The following HS6ST3 variants were observed in gnomAD, a reference collection of about 807,000 sequenced individuals.
HS6ST3 encodes the protein heparan-sulfate 6-O-sulfotransferase 3.
In HS6ST3, 12 loss-of-function variants were observed where a neutral mutation model predicts 36.7. The ratio of observed to expected loss-of-function variants is 0.33; its 90% CI spans 0.21 to 0.53. The LOEUF is 0.53. HS6ST3 is among the 20% of genes least tolerant of loss of function. HS6ST3 has a pLI of 0.95. For missense variants in HS6ST3, 584 were observed against 640.9 expected (o/e 0.91, Z 0.96); for synonymous variants, 240 against 257.5 (o/e 0.93, Z 0.65).
intron 1 of HS6ST3, among the ~76,000 whole-genome samples, chr13:96,562,986 G>A (rs1007760758): frequency 2.0e-5 from 3 of 150,572 alleles, no homozygotes; most frequent in East Asian, 2.0e-4. Flanking sequence ...GAAAGAGAAG[G>A]CTGCTCCCTG....
At chr13:96,234,424 T>C (rs1188623472) in intron 1 of HS6ST3, among the ~76,000 whole-genome samples, 2 of 151,834 alleles carry the variant, frequency 1.3e-5, no homozygotes, top group Non-Finnish European at 2.9e-5. Flanking sequence ...AAAAACAAAA[T>C]GTATTAGTCT....
At chr13:96,139,567 A>AAAAAAAAAAAAAAAAAAAAAT (rs1491242538) in intron 1 of HS6ST3, among the ~76,000 whole-genome samples, 2 of 138,696 alleles carry the variant, frequency 1.4e-5, no homozygotes, top group African/African-American at 2.8e-5. Flanking sequence ...AAAAAAAAAA[A>AAAAAAAAAAAAAAAAAAAAAT]TCCATGTATA....
chr13:96,704,532 C>T (rs1875369190), intron 1 of HS6ST3, among the ~76,000 whole-genome samples: 1 of 152,198 alleles, frequency 6.6e-6, no homozygotes. Context: ...TACATAGAAG[C>T]AGTATGTCTA....
intron 1 of HS6ST3, among the ~76,000 whole-genome samples, chr13:96,364,238 TAAACATAG>T (rs1480895807): frequency 3.3e-5 from 5 of 152,122 alleles, no homozygotes; most frequent in African/African-American, 4.8e-5. Context: ...CTCAAAAAGT[TAAACATAG>T]AACTAGCATG....
At chr13:96,216,071 C>T (rs2054424284) in intron 1 of HS6ST3, among the ~76,000 whole-genome samples, 1 of 152,176 alleles carries the variant, frequency 6.6e-6, no homozygotes, top group East Asian at 1.9e-4. Flanking sequence ...AGTTCTTTAA[C>T]ATCTGTGTTT....
intron 1 of HS6ST3, among the ~76,000 whole-genome samples, chr13:96,819,116 C>G (rs1245509780): frequency 2.6e-4 from 39 of 152,176 alleles, no homozygotes; most frequent in Admixed American, 2.6e-3. Flanking sequence ...TTTGCCTTTC[C>G]TATGTGAACT....
chr13:96,304,773 C>T (rs1270833604), intron 1 of HS6ST3, among the ~76,000 whole-genome samples: 13 of 137,944 alleles, frequency 9.4e-5, no homozygotes, highest in Non-Finnish European at 1.4e-4. Flanking sequence ...TTCAGTGGCA[C>T]GATCTCAGCT....
chr13:96,522,473 A>T (rs2056097533), intron 1 of HS6ST3, among the ~76,000 whole-genome samples: 2 of 152,004 alleles, frequency 1.3e-5, no homozygotes, highest in Admixed American at 1.3e-4. Flanking sequence ...CATTATTAGT[A>T]TGTGGGAATC....
intron 1 of HS6ST3, among the ~76,000 whole-genome samples, chr13:96,144,269 G>A (rs972339330): frequency 3.0e-4 from 45 of 152,236 alleles, no homozygotes; most frequent in African/African-American, 9.6e-4. Context: ...TTTAATATCA[G>A]AGGCAATTCC....
At chr13:96,464,138 CAAAAAAAA>C (rs67305199) in intron 1 of HS6ST3, among the ~76,000 whole-genome samples, 1 of 38,780 alleles carries the variant, frequency 2.6e-5, no homozygotes, top group African/African-American at 7.9e-5. Flanking sequence ...TGTCAGGCCT[CAAAAAAAA>C]AAAAAAAAAA....
intron 1 of HS6ST3, among the ~76,000 whole-genome samples, chr13:96,490,464 TA>T (rs1204036627): frequency 6.6e-6 from 1 of 152,156 alleles, no homozygotes; most frequent in Non-Finnish European, 1.5e-5. Context: ...TTAGGGACAT[TA>T]AAATGATTAA....
chr13:96,170,703 A>T (rs546105374), intron 1 of HS6ST3, among the ~76,000 whole-genome samples: 1 of 152,354 alleles, frequency 6.6e-6, no homozygotes, highest in African/African-American at 2.4e-5. Flanking sequence ...AGGAAAATGG[A>T]GATGAGAAAA....
intron 1 of HS6ST3, among the ~76,000 whole-genome samples, chr13:96,148,006 CTG>C (rs1407355565): frequency 6.6e-6 from 1 of 152,202 alleles, no homozygotes; most frequent in Non-Finnish European, 1.5e-5. Flanking sequence ...ACCACTGTGA[CTG>C]TGTCACTCAC....
intron 1 of HS6ST3, among the ~76,000 whole-genome samples, chr13:96,554,516 CTT>C (rs927322742): frequency 2.2e-4 from 33 of 152,224 alleles, no homozygotes; most frequent in African/African-American, 7.5e-4. Flanking sequence ...GTATAAATAA[CTT>C]TTTATTTTGC....
At chr13:96,683,742 A>C (rs1051522978) in intron 1 of HS6ST3, among the ~76,000 whole-genome samples, 2 of 152,128 alleles carry the variant, frequency 1.3e-5, no homozygotes, top group African/African-American at 4.8e-5. Flanking sequence ...ATTAGTAATG[A>C]TAATAACAAA....
intron 1 of HS6ST3, among the ~76,000 whole-genome samples, chr13:96,513,547 C>T (rs1186021677): frequency 6.6e-6 from 1 of 151,958 alleles, no homozygotes; most frequent in Non-Finnish European, 1.5e-5. Flanking sequence ...CTTTCCCTTC[C>T]ACTTCTTGGC....
intron 1 of HS6ST3, among the ~76,000 whole-genome samples, chr13:96,580,685 C>T (rs117487092): frequency 2.8e-4 from 43 of 152,028 alleles, no homozygotes; most frequent in Middle Eastern, 3.4e-3. Flanking sequence ...AGGTGCATGA[C>T]GAAAATAAAT....
At chr13:96,398,323 C>T (rs2055432533) in intron 1 of HS6ST3, among the ~76,000 whole-genome samples, 1 of 152,070 alleles carries the variant, frequency 6.6e-6, no homozygotes, top group South Asian at 2.1e-4. Flanking sequence ...TTCTCTGTTA[C>T]CCAGGCTAGA....
intron 1 of HS6ST3, among the ~76,000 whole-genome samples, chr13:96,699,642 G>A (rs1432469420): frequency 1.3e-5 from 2 of 152,178 alleles, no homozygotes; most frequent in African/African-American, 4.8e-5. Flanking sequence ...TACACTGTTG[G>A]TGGGTCTGTA....
Sources: allele counts gnomAD v4.1 joint callset (sites outside exome capture counted in the v4.1 genomes callset), GRCh38; gene constraint gnomAD v4.1.1; transcripts MANE v1.5; gene names NCBI Gene and HGNC (gene_info 2026-07-23, HGNC 2026-07-21).